Variants in RSPO3 observed in about 807,000 individuals in gnomAD.
RSPO3 encodes the protein R-spondin 3.
Under a neutral mutation model 36.5 loss-of-function variants are expected in RSPO3, and 17 were observed. The observed-to-expected ratio is 0.47, with a 90% CI of 0.32 to 0.70. The LOEUF (loss-of-function observed/expected upper bound fraction) is 0.70, where lower values mean the gene tolerates loss of function less well. Ranked by LOEUF, RSPO3 falls within the 30% of genes least tolerant of loss-of-function variation. The pLI, the probability that RSPO3 is intolerant of heterozygous loss-of-function variation, is 0.04. For missense variants in RSPO3, 294 were observed against 322.5 expected (o/e 0.91, Z 0.68); for synonymous variants, 108 against 107.0 (o/e 1.01, Z -0.06).
intron 4 of RSPO3, 73 bp from the exon 5 acceptor site, chr6:127,195,750 C>T (rs1471086857): frequency 1.9e-6 from 2 of 1,048,470 alleles, no homozygotes; most frequent in Non-Finnish European, 2.7e-6. Context: ...AAATTTAAGT[C>T]ATTTTTTAAA....
chr6:127,197,346 T>G lies in RSPO3; in HGVS notation c.*1339T>G, dbSNP rs1300496049. On this transcript the variant is annotated 3_prime_UTR_variant, in exon 5 of 5. Coordinates refer to ENST00000356698, the MANE Select transcript of RSPO3 (RefSeq NM_032784.5). Reference sequence around the variant, plus strand: ...CTTCATTGCTTAGAAATGGGCATCATTTCTTGTATGTCAGATCCCCCTGCA... The same window carrying G: ...CTTCATTGCTTAGAAATGGGCATCAGTTCTTGTATGTCAGATCCCCCTGCA... The G allele has an allele frequency of 6.6e-7, 1 of 1,522,742 alleles. No homozygotes were observed. Among genetic ancestry groups the G allele is most frequent in the East Asian group, 2.5e-5 (1 of 40,658 alleles). The allele number at this position is 1,522,742 out of a possible 1,614,324, so 94.3% of individuals were successfully genotyped here.
rs543264692 is a variant in RSPO3 at position 127,153,936 on chromosome 6, A to G, written c.437-1305A>G. On this transcript the variant is annotated intron_variant, in intron 3 of 4. Transcript: ENST00000356698. ...AATTGACTTAGTTACTCTATTCTTG[A>G]ATGAAAATTGTAGTGGTATAACTGA... 6.6e-5 allele frequency among the ~76,000 whole-genome samples: 10 copies of G among 152,202 alleles called. No individual in the cohort carries two copies. In the South Asian group the frequency reaches 2.1e-3, roughly 32 times the overall value.
chr6:127,170,578 T>G (rs1774916018), intron 4 of RSPO3, among the ~76,000 whole-genome samples: 1 of 151,768 alleles, frequency 6.6e-6, no homozygotes, highest in Admixed American at 6.6e-5. Context: ...TACACCCATG[T>G]TCATAGCAGC....
intron 4 of RSPO3, among the ~76,000 whole-genome samples, chr6:127,161,175 G>A (rs372705403): frequency 6.6e-6 from 1 of 151,888 alleles, no homozygotes. Flanking sequence ...ATCTATGTGA[G>A]GATTCTTTGT....
chr6:127,179,481 G>C (rs903505479), intron 4 of RSPO3, among the ~76,000 whole-genome samples: 21 of 151,922 alleles, frequency 1.4e-4, no homozygotes, highest in Non-Finnish European at 1.3e-4. Context: ...TAACCAAAAC[G>C]ATCTCATTTA....
At chr6:127,184,691 A>G (rs576605564) in intron 4 of RSPO3, among the ~76,000 whole-genome samples, 14 of 152,022 alleles carry the variant, frequency 9.2e-5, no homozygotes, top group Non-Finnish European at 2.1e-4. Context: ...GCTACATGGA[A>G]AATATGGTTG....
chr6:127,178,383 C>A (rs1171465171), intron 4 of RSPO3, among the ~76,000 whole-genome samples: 1 of 151,490 alleles, frequency 6.6e-6, no homozygotes, highest in Non-Finnish European at 1.5e-5. Flanking sequence ...AATATTGGTG[C>A]AAAAATGGTT....
intron 1 of RSPO3, 125 bp downstream of exon 1, chr6:127,119,414 G>C (rs1403517782): frequency 1.4e-6 from 1 of 701,886 alleles, no homozygotes; most frequent in African/African-American, 1.8e-5. Context: ...CAGAGGAGAT[G>C]CAGGTTCGGG....
At chr6:127,163,242 T>A (rs1353168929) in intron 4 of RSPO3, among the ~76,000 whole-genome samples, 1 of 152,124 alleles carries the variant, frequency 6.6e-6, no homozygotes, top group East Asian at 1.9e-4. Flanking sequence ...ATGCTCCTGT[T>A]CTCCTTCCCA....
At position 127,188,340 on chromosome 6, in the gene RSPO3, A is replaced by C. The variant is rs183194925; in HGVS notation, c.635-7483A>C. Among the ~76,000 whole-genome samples the C allele has an allele frequency of 9.6e-3, 1,459 of 152,334 alleles. 16 individuals carry two copies. Among genetic ancestry groups the C allele is most frequent in the Admixed American group, 0.027 (411 of 15,298 alleles). Reference sequence around the variant, plus strand: ...GACTATGAAAATACACATTCTAAAAAGTTGTGATTACTGATATTTATGATG... The same window carrying C: ...GACTATGAAAATACACATTCTAAAACGTTGTGATTACTGATATTTATGATG... On this transcript the variant is annotated intron_variant, in intron 4 of 4. Transcript: ENST00000356698.
intron 4 of RSPO3, among the ~76,000 whole-genome samples, chr6:127,167,761 TC>T (rs898500656): frequency 6.6e-6 from 1 of 151,596 alleles, no homozygotes; most frequent in Non-Finnish European, 1.5e-5. Context: ...CCCTCCCCCA[TC>T]CCCCCATCCC....
intron 3 of RSPO3, among the ~76,000 whole-genome samples, chr6:127,154,069 C>G (rs569783875): frequency 6.6e-6 from 1 of 152,180 alleles, no homozygotes; most frequent in South Asian, 2.1e-4. Flanking sequence ...ACTCAGGGAC[C>G]TGAAAGTGTC....
At chr6:127,128,615 T>C (rs575629964) in intron 1 of RSPO3, among the ~76,000 whole-genome samples, 2 of 152,184 alleles carry the variant, frequency 1.3e-5, no homozygotes, top group Admixed American at 6.5e-5. Context: ...TGATTACAAA[T>C]GAGATAGATG....
At chr6:127,149,390 T>G (rs1362809343) in intron 2 of RSPO3, among the ~76,000 whole-genome samples, 1 of 151,836 alleles carries the variant, frequency 6.6e-6, no homozygotes, top group Non-Finnish European at 1.5e-5. Flanking sequence ...CTCCTACAAC[T>G]CCCCCTCACC....
chr6:127,174,835 C>T (rs1199080224), intron 4 of RSPO3, among the ~76,000 whole-genome samples: 3 of 151,538 alleles, frequency 2.0e-5, no homozygotes, highest in Non-Finnish European at 4.4e-5. Flanking sequence ...TTTGAAGTAC[C>T]CATGAAAGTT....
Position 127,196,005 on chromosome 6 carries a change from T to C in RSPO3, c.817T>C (p.Ter273GlnextTer4), listed in dbSNP as rs1426441496. 1 of 1,601,724 alleles carries C rather than the reference T, an allele frequency of 6.2e-7. No individual in the cohort carries two copies. Among genetic ancestry groups the C allele is most frequent in the East Asian group, 2.2e-5 (1 of 44,690 alleles). Reference sequence around the variant, plus strand: ...ATCGGTATCAGTCAGCACTGTACACTAGAGGGTTCCATGAGATTATTGTAG... The same window carrying C: ...ATCGGTATCAGTCAGCACTGTACACCAGAGGGTTCCATGAGATTATTGTAG... ...QKSVSVSTVH* is the reference protein window; with the variant it reads ...QKSVSVSTVHQ Residue 273 changes from the stop codon to glutamine, a stop_lost, in exon 5 of 5, where the codon TAG becomes CAG. Coordinates refer to ENST00000356698, the MANE Select transcript of RSPO3 (RefSeq NM_032784.5).
Position 127,118,816 on chromosome 6 carries a change from G to T in RSPO3, c.-377G>T. On this transcript the variant is annotated 5_prime_UTR_variant, in exon 1 of 5. Coordinates refer to ENST00000356698, the MANE Select transcript of RSPO3 (RefSeq NM_032784.5). ...CAGCCGCAGCCGCCGCAGCTTCTGA[G>T]CCCAAGGGGCCGCCGCTGCAGCCGC... 6.3e-6 allele frequency: 1 copy of T among 159,082 alleles called. No homozygotes were observed. The highest frequency in any genetic ancestry group is 1.8e-4 in the East Asian group (1 of 5,426). The allele number at this position is 159,082 out of a possible 1,614,324, so 9.9% of individuals were successfully genotyped here.
rs189553701 is a variant in RSPO3 at position 127,163,814 on chromosome 6, T to C, written c.634+8376T>C. Among the ~76,000 whole-genome samples the C allele has an allele frequency of 2.6e-3, 389 of 152,204 alleles. 4 individuals carry two copies. The highest frequency in any genetic ancestry group is 6.8e-3 in the Middle Eastern group (2 of 294). On this transcript the variant is annotated intron_variant, in intron 4 of 4. Coordinates refer to ENST00000356698, the MANE Select transcript of RSPO3 (RefSeq NM_032784.5). ...TCTGCCCTCTGTATTCTGCAGGACA[T>C]TGTAGTTGAAAATGACAGATCTCAA...
At chr6:127,171,446 CT>C (rs1425055713) in intron 4 of RSPO3, among the ~76,000 whole-genome samples, 2 of 151,592 alleles carry the variant, frequency 1.3e-5, no homozygotes, top group Non-Finnish European at 3.0e-5. Context: ...GTATTTCTTT[CT>C]TTCTAGGTTT....
Sources: gnomAD v4.1 joint callset for allele counts (sites outside exome capture counted in the v4.1 genomes callset) on GRCh38, gnomAD v4.1.1 for gene constraint, MANE v1.5 for transcripts, NCBI Gene and HGNC (gene_info 2026-07-23, HGNC 2026-07-21) for gene names.